CNTNAP2: variants seen among roughly 807,000 people sequenced by gnomAD.
The protein encoded by CNTNAP2 is contactin associated protein 2.
CNTNAP2 carries 98 observed loss-of-function variants against 155.2 expected under a neutral mutation model. The observed-to-expected ratio is 0.63, with a 90% CI of 0.54 to 0.75. The LOEUF is 0.75. Among genes scored for constraint, CNTNAP2 ranks in the 30% least tolerant of loss-of-function variants. The pLI is 0.00. For synonymous variants in CNTNAP2, 651 were observed against 631.2 expected, an observed-to-expected ratio of 1.03 and a Z score of -0.47; for missense variants, 1,727 against 1,688.1, an observed-to-expected ratio of 1.02 and a Z score of -0.40.
At chr7:146,351,740 C>G (rs1212822815) in intron 1 of CNTNAP2, among the ~76,000 whole-genome samples, 1 of 152,138 alleles carries the variant, frequency 6.6e-6, no homozygotes, top group South Asian at 2.1e-4. Context: ...ATATTGCCAT[C>G]GTCATTAGCA....
intron 1 of CNTNAP2, among the ~76,000 whole-genome samples, chr7:146,289,257 T>C (rs1800390583): frequency 6.6e-6 from 1 of 152,204 alleles, no homozygotes; most frequent in South Asian, 2.1e-4. Flanking sequence ...TGAACAAAGT[T>C]AAGAAGGCAT....
At chr7:146,968,408 T>C (rs932970110) in intron 3 of CNTNAP2, among the ~76,000 whole-genome samples, 2 of 150,934 alleles carry the variant, frequency 1.3e-5, no homozygotes, top group African/African-American at 4.8e-5. Context: ...CTTGTACCTC[T>C]GGTAGAATTC....
rs557100124 is a variant in CNTNAP2, at chr7:148,072,803, G to A, written c.2384-45315G>A. Among the ~76,000 whole-genome samples, 49 of 152,264 alleles carry A rather than the reference G, an allele frequency of 3.2e-4. No homozygotes were observed. In the Middle Eastern group the frequency reaches 0.01, roughly 32 times the overall value. On this transcript the variant is annotated intron_variant, in intron 15 of 23. Transcript: ENST00000361727. ...GCTCGCTGCAACCTCCACCTCCCAG[G>A]TTCAAGCGATTCTCCTGCCTCAGCC...
intron 13 of CNTNAP2, among the ~76,000 whole-genome samples, chr7:147,640,042 C>T (rs28366557): frequency 0.028 from 4,201 of 152,196 alleles, 194 homozygotes; most frequent in African/African-American, 0.096. Context: ...GAAACATGAG[C>T]TCATAATTTC....
intron 15 of CNTNAP2, among the ~76,000 whole-genome samples, chr7:148,115,013 C>G (rs78493932): frequency 3.4e-4 from 52 of 152,268 alleles, no homozygotes; most frequent in African/African-American, 1.2e-3. Context: ...AGATAACTCA[C>G]AATTGACAAC....
At chr7:146,723,533 A>G (rs1231130125) in intron 1 of CNTNAP2, among the ~76,000 whole-genome samples, 1 of 152,224 alleles carries the variant, frequency 6.6e-6, no homozygotes, top group African/African-American at 2.4e-5. Flanking sequence ...GTTGATCAGA[A>G]TGATGATATA....
intron 11 of CNTNAP2, among the ~76,000 whole-genome samples, chr7:147,491,306 C>T (rs1798605377): frequency 6.6e-6 from 1 of 152,026 alleles, no homozygotes; most frequent in East Asian, 1.9e-4. Context: ...ACCCTTGCCC[C>T]TCCTATACCA....
chr7:147,300,197 T>C lies in CNTNAP2; in HGVS notation c.1405T>C (p.Phe469Leu), dbSNP rs772753978. ...GGTTCGCTTCCTAGCCAAGGAAAAT[T>C]TTGCTATTCTCACCATCGATGGAGA... is the stretch of plus-strand genomic sequence containing the variant. ...HEVRFLAKEN[F>L]AILTIDGDEA... The change falls in exon 9 of 24, where the codon TTT (phenylalanine) becomes CTT (leucine). Residue 469 changes from phenylalanine to leucine, a missense_variant. Phe to Leu is a conservative substitution (Grantham distance 22, BLOSUM62 0). Transcript: ENST00000361727. 1.2e-6 allele frequency: 2 copies of C among 1,614,022 alleles called. No homozygotes were observed. Among genetic ancestry groups the C allele is most frequent in the South Asian group, 2.2e-5 (2 of 91,086 alleles).
At chr7:147,078,155 A>G (rs1366610790) in intron 4 of CNTNAP2, among the ~76,000 whole-genome samples, 2 of 152,244 alleles carry the variant, frequency 1.3e-5, no homozygotes, top group Non-Finnish European at 2.9e-5. Flanking sequence ...CGCAATACAT[A>G]TAAGACTTTA....
At chr7:147,736,938 G>C (rs7805316) in intron 13 of CNTNAP2, among the ~76,000 whole-genome samples, 4,017 of 152,246 alleles carry the variant, frequency 0.026, 182 homozygotes, top group African/African-American at 0.09. Flanking sequence ...CTTTGTTCAA[G>C]ATTTTTAACT....
intron 9 of CNTNAP2, 34 bp from the exon 10 acceptor site, chr7:147,395,575 C>T: frequency 6.2e-7 from 1 of 1,606,528 alleles, no homozygotes; most frequent in Non-Finnish European, 8.5e-7. Flanking sequence ...ATACTGTACA[C>T]CAGATTTACA....
intron 21 of CNTNAP2, among the ~76,000 whole-genome samples, chr7:148,267,349 C>T (rs1419950398): frequency 2.0e-5 from 3 of 151,872 alleles, no homozygotes; most frequent in Non-Finnish European, 4.4e-5. Flanking sequence ...AAAGCTAATT[C>T]GCCTTTGAAA....
intron 1 of CNTNAP2, among the ~76,000 whole-genome samples, chr7:146,542,069 C>T (rs1036572641): frequency 6.6e-6 from 1 of 151,836 alleles, no homozygotes; most frequent in Non-Finnish European, 1.5e-5. Flanking sequence ...GTGTCTACCA[C>T]AAAGTGTCGG....
At chr7:148,082,608 C>T (rs769707718) in intron 15 of CNTNAP2, among the ~76,000 whole-genome samples, 7 of 151,974 alleles carry the variant, frequency 4.6e-5, no homozygotes, top group African/African-American at 9.7e-5. Context: ...GTGGGGGATT[C>T]GCAGGTTTAA....
intron 1 of CNTNAP2, among the ~76,000 whole-genome samples, chr7:146,590,766 T>C (rs569342432): frequency 1.5e-4 from 23 of 152,286 alleles, no homozygotes; most frequent in African/African-American, 2.4e-4. Flanking sequence ...CCCCATGCAA[T>C]CACGCCCACA....
chr7:147,342,410 GATA>G lies in CNTNAP2; in HGVS notation c.1498+42126_1498+42128del, dbSNP rs531408256. On this transcript the variant is annotated intron_variant, in intron 9 of 23. Transcript: ENST00000361727. Reference sequence around the variant, plus strand: ...TTATGATCTGTCATTTCCACTTAATGATAATAATGTTACATTGCATCCATGCTG... The same window carrying G: ...TTATGATCTGTCATTTCCACTTAATGATAATGTTACATTGCATCCATGCTG... Among the ~76,000 whole-genome samples the G allele has an allele frequency of 2.8e-3, 420 of 152,196 alleles. 4 individuals carry two copies. Among genetic ancestry groups the G allele is most frequent in the African/African-American group, 9.6e-3 (400 of 41,522 alleles).
intron 15 of CNTNAP2, among the ~76,000 whole-genome samples, chr7:148,069,217 T>C (rs1048134618): frequency 2.0e-5 from 3 of 152,164 alleles, no homozygotes; most frequent in African/African-American, 7.2e-5. Context: ...GAAGTAGAAG[T>C]TTCTAGTCTT....
intron 18 of CNTNAP2, among the ~76,000 whole-genome samples, chr7:148,213,075 C>T (rs766287039): frequency 2.6e-4 from 39 of 152,164 alleles, no homozygotes; most frequent in Non-Finnish European, 5.7e-4. Flanking sequence ...ATAAACGCAT[C>T]ATGTCTCACC....
chr7:146,914,804 A>T (rs1264939466), intron 3 of CNTNAP2, among the ~76,000 whole-genome samples: 1 of 151,942 alleles, frequency 6.6e-6, no homozygotes, highest in Non-Finnish European at 1.5e-5. Flanking sequence ...TCTTTAGTTT[A>T]ATTAGGTTCC....
Sources: allele counts gnomAD v4.1 joint callset (sites outside exome capture counted in the v4.1 genomes callset), GRCh38; gene constraint gnomAD v4.1.1; transcripts MANE v1.5; gene names NCBI Gene and HGNC (gene_info 2026-07-23, HGNC 2026-07-21).